JAK2: variants seen among roughly 807,000 people sequenced by gnomAD.
JAK2 encodes the protein Janus kinase 2, also known as tyrosine-protein kinase JAK2.
A neutral mutation model predicts 139.3 loss-of-function variants in JAK2; 86 were observed. The observed-to-expected ratio is 0.62, with a 90% confidence interval of 0.52 to 0.74. JAK2 has a LOEUF of 0.74. Among genes scored for constraint, JAK2 ranks in the 30% least tolerant of loss-of-function variants. The pLI, the probability that JAK2 is intolerant of heterozygous loss-of-function variation, is 0.00. For synonymous variants in JAK2, 490 were observed against 437.7 expected, an observed-to-expected ratio of 1.12 and a Z score of -1.49; for missense variants, 1,421 against 1,360.3, an observed-to-expected ratio of 1.04 and a Z score of -0.70.
At chr9:5,055,912 T>A in intron 8 of JAK2, 124 bp downstream of exon 8, 1 of 800,154 alleles carries the variant, frequency 1.2e-6, no homozygotes, top group Non-Finnish European at 1.9e-6. Flanking sequence ...AATATAACTC[T>A]AAACATCAGT....
intron 8 of JAK2, among the ~76,000 whole-genome samples, chr9:5,058,543 G>A (rs187595123): frequency 2.0e-3 from 299 of 152,282 alleles, no homozygotes; most frequent in Non-Finnish European, 3.8e-3. Flanking sequence ...GTTGGGTGGG[G>A]ACGCAGAGCC....
At chr9:5,068,908 C>T (rs1818753374) in intron 10 of JAK2, 114 bp from the exon 11 acceptor site, 2 of 619,294 alleles carry the variant, frequency 3.2e-6, no homozygotes, top group African/African-American at 3.8e-5. Flanking sequence ...ACATCGGATT[C>T]ATGGTTCAAA....
intron 19 of JAK2, chr9:5,085,885 T>A: frequency 1.2e-6 from 1 of 807,210 alleles, no homozygotes; most frequent in Non-Finnish European, 2.2e-6. Flanking sequence ...GTTGTTGATA[T>A]GAGCGGTTCC....
chr9:5,082,915 G>C (rs569140204), intron 19 of JAK2, among the ~76,000 whole-genome samples: 69 of 152,322 alleles, frequency 4.5e-4, no homozygotes, highest in African/African-American at 1.6e-3. Context: ...CAATTGTTCA[G>C]GGTACAGATC....
chr9:5,050,474 T>C (rs1404090471), intron 5 of JAK2, among the ~76,000 whole-genome samples: 1 of 152,180 alleles, frequency 6.6e-6, no homozygotes, highest in Admixed American at 6.5e-5. Context: ...TCTTGCCATG[T>C]TGCCCAGGCT....
chr9:4,998,892 G>A (rs898335595), intron 2 of JAK2, among the ~76,000 whole-genome samples: 1 of 152,018 alleles, frequency 6.6e-6, no homozygotes, highest in African/African-American at 2.4e-5. Context: ...GTGCAGTGGT[G>A]CGATCTGCAA....
intron 3 of JAK2, among the ~76,000 whole-genome samples, chr9:5,027,596 T>C (rs563087655): frequency 6.6e-6 from 1 of 152,342 alleles, no homozygotes; most frequent in East Asian, 1.9e-4. Flanking sequence ...AAGATGTCTC[T>C]GTAGTATGCA....
chr9:5,114,367 C>A, intron 22 of JAK2: 1 of 530,156 alleles, frequency 1.9e-6, no homozygotes, highest in Non-Finnish European at 3.7e-6. Flanking sequence ...TGCAATGGCA[C>A]GTTCACCATC....
Position 5,127,507 on chromosome 9 carries a change from G to A in JAK2, c.*716G>A, listed in dbSNP as rs889130331. The A allele has an allele frequency of 2.6e-5, 6 of 230,974 alleles. No homozygotes were observed. Among genetic ancestry groups the A allele is most frequent in the African/African-American group, 1.3e-4 (6 of 45,194 alleles). The allele number at this position is 230,974 out of a possible 1,614,324, so 14.3% of individuals were successfully genotyped here. The stretch of plus-strand genomic sequence containing the variant: ...TTTTGAAATGAAACAAGCTTACAAA[G>A]ATATAATCTATTTTATTATGGTTTC... On this transcript the variant is annotated 3_prime_UTR_variant, in exon 25 of 25. Coordinates refer to ENST00000381652, the MANE Select transcript of JAK2 (RefSeq NM_004972.4).
intron 22 of JAK2, chr9:5,098,411 G>C (rs10121077): frequency 1.6e-3 from 245 of 151,986 alleles, no homozygotes; most frequent in African/African-American, 5.8e-3. Flanking sequence ...CTCACTTTCC[G>C]TGACCACGTT....
chr9:5,122,881 G>A, intron 22 of JAK2, 123 bp from the exon 23 acceptor site: 1 of 590,910 alleles, frequency 1.7e-6, no homozygotes, highest in Non-Finnish European at 2.9e-6. Flanking sequence ...GAAGCCTCAG[G>A]CCTGCTGTGA....
rs199561035 is a variant in JAK2, at chr9:5,055,824, T to G, written c.1056+36T>G. 4.8e-5 allele frequency: 75 copies of G among 1,566,904 alleles called. 1 individual carries two copies. In the African/African-American group the frequency reaches 9.6e-4, roughly 20 times the overall value. On this transcript the variant is annotated intron_variant, in intron 8 of 24. Coordinates refer to ENST00000381652, the MANE Select transcript of JAK2 (RefSeq NM_004972.4). The stretch of plus-strand genomic sequence containing the variant: ...TTTATGATTGAATAATGGTTTCATT[T>G]TATAGTTCTCAGAAATGTGTATTTT...
intron 8 of JAK2, among the ~76,000 whole-genome samples, chr9:5,059,056 A>G (rs1361086810): frequency 1.3e-5 from 2 of 151,966 alleles, no homozygotes; most frequent in African/African-American, 4.8e-5. Flanking sequence ...TTTGTTGCCT[A>G]TTTTTCTTTT....
Position 5,096,500 on chromosome 9 carries a change from G to C in JAK2, c.3059+5589G>C, listed in dbSNP as rs527980481. ...TCAATCTACTTCTCCCTCCATGTGG[G>C]GGGAGGGTGGTAGGCCGGAGAAGCC... On this transcript the variant is annotated intron_variant, in intron 22 of 24. Coordinates refer to ENST00000381652, the MANE Select transcript of JAK2 (RefSeq NM_004972.4). 1.3e-4 allele frequency among the ~76,000 whole-genome samples: 20 copies of C among 152,290 alleles called. 1 individual carries two copies. Among genetic ancestry groups the C allele is most frequent in the African/African-American group, 4.3e-4 (18 of 41,554 alleles).
chr9:5,124,602 C>T (rs1426893996), intron 23 of JAK2, among the ~76,000 whole-genome samples: 7 of 151,858 alleles, frequency 4.6e-5, no homozygotes, highest in South Asian at 2.1e-4. Context: ...ATAGCAAAAG[C>T]GATTCTAAGC....
intron 19 of JAK2, chr9:5,085,029 T>G (rs1819969975): frequency 2.4e-6 from 2 of 818,632 alleles, no homozygotes; most frequent in South Asian, 2.6e-5. Context: ...TTCTGAAAGT[T>G]GAATGAGGGC....
chr9:5,112,783 C>T, intron 22 of JAK2: 2 of 582,342 alleles, frequency 3.4e-6, no homozygotes, highest in African/African-American at 1.9e-5. Flanking sequence ...TCGGAGGCCC[C>T]CAGATGGTGC....
intron 2 of JAK2, among the ~76,000 whole-genome samples, chr9:4,999,220 T>G: frequency 6.6e-6 from 1 of 152,222 alleles, no homozygotes; most frequent in Admixed American, 6.5e-5. Flanking sequence ...CCCTTAAATG[T>G]ATGGCTGTTC....
intron 4 of JAK2, among the ~76,000 whole-genome samples, chr9:5,036,166 C>A (rs1324380383): frequency 1.3e-5 from 2 of 152,152 alleles, no homozygotes; most frequent in Non-Finnish European, 2.9e-5. Flanking sequence ...ATCCAACTTA[C>A]AAGGGATGTG....
Sources: allele counts gnomAD v4.1 joint callset (sites outside exome capture counted in the v4.1 genomes callset), GRCh38; gene constraint gnomAD v4.1.1; transcripts MANE v1.5; gene names NCBI Gene and HGNC (gene_info 2026-07-23, HGNC 2026-07-21).